The following NEDD9 variants were observed in gnomAD, a reference collection of about 807,000 sequenced individuals.
NEDD9 encodes neural precursor cell expressed, developmentally down-regulated 9.
In NEDD9, 26 loss-of-function variants were observed where a neutral mutation model predicts 76.6. The observed-to-expected ratio is 0.34, with a 90% CI of 0.25 to 0.47. The LOEUF (loss-of-function observed/expected upper bound fraction) is 0.47, where lower values mean the gene tolerates loss of function less well. Among genes scored for constraint, NEDD9 ranks in the 20% least tolerant of loss-of-function variants. NEDD9 has a pLI of 1.00. For synonymous variants in NEDD9, 392 were observed against 414.2 expected (o/e 0.95, Z 0.65); for missense variants, 937 against 1,058.5 (o/e 0.89, Z 1.59).
chr6:11,232,390 T>C, intron 1 of NEDD9, 114 bp downstream of exon 1: 3 of 1,356,802 alleles, frequency 2.2e-6, no homozygotes, highest in South Asian at 1.2e-5. Context: ...AGACTCATCT[T>C]AGAACTCTCC....
At chr6:11,301,338 C>T (rs1055104044) in intron 3 of NEDD9, among the ~76,000 whole-genome samples, 1 of 152,084 alleles carries the variant, frequency 6.6e-6, no homozygotes, top group Non-Finnish European at 1.5e-5. Context: ...ATATATGCAC[C>T]CAATACAGGA....
chr6:11,356,313 C>T (rs890510824), intron 1 of NEDD9, among the ~76,000 whole-genome samples: 1 of 152,174 alleles, frequency 6.6e-6, no homozygotes, highest in African/African-American at 2.4e-5. Flanking sequence ...ATACTGCCTG[C>T]CACACCTGGA....
rs534488772 is a variant in NEDD9, at chr6:11,200,604, G to A, written c.460-6912C>T. On this transcript the variant is annotated intron_variant, in intron 2 of 6. Transcript: ENST00000379446. ...AAAATGTTTTAGGATCAAATCATGG[G>A]AGAAATGAAGATTTAATCATTCCTA... The A allele has an allele frequency of 1.9e-5, 21 of 1,093,168 alleles. 1 individual carries two copies. The South Asian group carries it at 4.8e-4, about 25-fold the overall frequency. The allele number at this position is 1,093,168 out of a possible 1,614,324, so 67.7% of individuals were successfully genotyped here.
At chr6:11,366,452 GAA>G in intron 1 of NEDD9, among the ~76,000 whole-genome samples, 1 of 151,960 alleles carries the variant, frequency 6.6e-6, no homozygotes. Flanking sequence ...AAAAAAGAAA[GAA>G]AGAGAGAAAG....
upstream of NEDD9, among the ~76,000 whole-genome samples, chr6:11,235,920 A>G (rs901855084): frequency 2.0e-5 from 3 of 152,206 alleles, no homozygotes; most frequent in Non-Finnish European, 1.5e-5. The surrounding 1 kb of genome is among the most constrained non-coding windows in gnomAD (Gnocchi z 4.1). Context: ...TGTTTTGACC[A>G]GGGAGTAATC....
At chr6:11,244,287 G>GCA (rs142675895) in intron 3 of NEDD9, among the ~76,000 whole-genome samples, 16 of 151,424 alleles carry the variant, frequency 1.1e-4, no homozygotes, top group African/African-American at 3.6e-4. Flanking sequence ...GTGTGTGCAC[G>GCA]CACACACACA....
At chr6:11,193,310 TA>T (rs796698181) in intron 3 of NEDD9, among the ~76,000 whole-genome samples, 1,607 of 136,208 alleles carry the variant, frequency 0.012, 38 homozygotes, top group Admixed American at 0.062. Flanking sequence ...GATTCTGTCT[TA>T]AAAAAAAAAA....
At chr6:11,300,227 A>G (rs1322764940) in intron 3 of NEDD9, among the ~76,000 whole-genome samples, 2 of 152,246 alleles carry the variant, frequency 1.3e-5, no homozygotes, top group Non-Finnish European at 2.9e-5. Flanking sequence ...ACAAGATTCA[A>G]TAGCCTATTC....
chr6:11,196,043 G>A (rs1385500457), intron 2 of NEDD9, among the ~76,000 whole-genome samples: 2 of 152,092 alleles, frequency 1.3e-5, no homozygotes, highest in Admixed American at 6.6e-5. Flanking sequence ...GGTGGCTCAC[G>A]CTTGTAATCC....
chr6:11,286,619 G>A (rs1760654773), intron 3 of NEDD9, among the ~76,000 whole-genome samples: 1 of 152,092 alleles, frequency 6.6e-6, no homozygotes, highest in Non-Finnish European at 1.5e-5. Context: ...TCCGTATGAA[G>A]AATAACACTC....
At chr6:11,294,023 A>ATG (rs1561819217) in intron 3 of NEDD9, among the ~76,000 whole-genome samples, 6 of 77,256 alleles carry the variant, frequency 7.8e-5, no homozygotes, top group African/African-American at 3.3e-4. Flanking sequence ...GTGTGTGTGT[A>ATG]TGTGTGTATG....
In NEDD9 at chr6:11,369,108, G is replaced by A. The variant is rs1762815834; in HGVS notation, c.-214+13031C>T. Among the ~76,000 whole-genome samples the A allele has an allele frequency of 2.6e-5, 4 of 152,298 alleles. No individual in the cohort carries two copies. In the South Asian group the frequency reaches 8.3e-4, roughly 32 times the overall value. ...GGTTGGATTTGAACTCAGGCAGTTG[G>A]TTCTCTCTTAAGCACTCCAACCTTC... is the stretch of plus-strand genomic sequence containing the variant. On this transcript the variant is annotated intron_variant, in intron 1 of 3. Transcript: ENST00000397378.
chr6:11,259,819 C>T (rs565429633), intron 3 of NEDD9, among the ~76,000 whole-genome samples: 9 of 152,102 alleles, frequency 5.9e-5, no homozygotes, highest in Admixed American at 3.3e-4. Context: ...GCAATTTTAA[C>T]GTGTAGGATG....
intron 3 of NEDD9, among the ~76,000 whole-genome samples, chr6:11,286,030 G>A (rs1760641707): frequency 6.6e-6 from 1 of 152,124 alleles, no homozygotes; most frequent in African/African-American, 2.4e-5. Context: ...CTCTTCTAAA[G>A]ACATTGTTAT....
chr6:11,282,874 C>T (rs546314983), intron 3 of NEDD9, among the ~76,000 whole-genome samples: 14 of 152,328 alleles, frequency 9.2e-5, no homozygotes, highest in Admixed American at 2.6e-4. Flanking sequence ...CAGATCTTGT[C>T]ACTTTCCTTC....
chr6:11,331,679 A>G (rs950837451), intron 2 of NEDD9, among the ~76,000 whole-genome samples: 2 of 152,176 alleles, frequency 1.3e-5, no homozygotes, highest in Admixed American at 1.3e-4. Context: ...CCATTCTCCA[A>G]AATGCAACAC....
At chr6:11,208,987 G>A (rs1282649580) in intron 2 of NEDD9, among the ~76,000 whole-genome samples, 1 of 151,832 alleles carries the variant, frequency 6.6e-6, no homozygotes, top group Non-Finnish European at 1.5e-5. Flanking sequence ...CAAATTATTC[G>A]ACTATGAGTA....
chr6:11,314,064 T>C (rs1761466585), intron 2 of NEDD9, among the ~76,000 whole-genome samples: 1 of 152,194 alleles, frequency 6.6e-6, no homozygotes, highest in African/African-American at 2.4e-5. Context: ...ACAATTCAAT[T>C]TGTAAGCCTT....
At chr6:11,263,931 T>A (rs1760158362) in intron 3 of NEDD9, among the ~76,000 whole-genome samples, 1 of 152,168 alleles carries the variant, frequency 6.6e-6, no homozygotes, top group African/African-American at 2.4e-5. Flanking sequence ...CATCTCTTAG[T>A]CTTCTTAGGT....
Sources: allele counts gnomAD v4.1 joint callset (sites outside exome capture counted in the v4.1 genomes callset), GRCh38; gene constraint gnomAD v4.1.1; non-coding constraint Gnocchi (gnomAD v3.1); transcripts MANE v1.5; gene names NCBI Gene and HGNC (gene_info 2026-07-23, HGNC 2026-07-21).